AHSA1: variants seen among roughly 807,000 people sequenced by gnomAD.
AHSA1 encodes the protein activator of HSP90 ATPase activity 1.
Under a neutral mutation model 46.1 loss-of-function variants are expected in AHSA1, and 14 were observed. The observed-to-expected ratio is 0.30, with a 90% CI of 0.20 to 0.47. AHSA1 has a LOEUF of 0.47. Ranked by LOEUF, AHSA1 falls within the 20% of genes least tolerant of loss-of-function variation. The probability of loss-of-function intolerance (pLI) is 0.99; values close to 1 mark genes in which losing one functional copy is unlikely to be tolerated. For synonymous variants in AHSA1, 147 were observed against 145.8 expected, an observed-to-expected ratio of 1.01 and a Z score of -0.06; for missense variants, 333 against 415.9, an observed-to-expected ratio of 0.80 and a Z score of 1.73.
intron 1 of AHSA1, 130 bp downstream of exon 1, chr14:77,458,399 C>A: frequency 1.1e-6 from 1 of 911,784 alleles, no homozygotes; most frequent in Non-Finnish European, 1.6e-6. Flanking sequence ...GTGGGTCCTT[C>A]CTGTGGCAGG....
intron 5 of AHSA1, among the ~76,000 whole-genome samples, chr14:77,465,169 CTT>C (rs1227481287): frequency 2.0e-5 from 3 of 152,186 alleles, no homozygotes; most frequent in Non-Finnish European, 2.9e-5. Flanking sequence ...CCCTGTTGCT[CTT>C]TTGTCAGCAT....
chr14:77,467,272 G>A lies in AHSA1; in HGVS notation c.691-811G>A, dbSNP rs552172577. Among the ~76,000 whole-genome samples, 36 of 152,100 alleles carry A rather than the reference G, an allele frequency of 2.4e-4. 1 individual carries two copies. The South Asian group carries it at 3.5e-3, about 15-fold the overall frequency. ...AAATTAGCCAGGTATGGTGGTATGCGCCTGTAGTCCCAGCTCCTCAGGAGG... is the reference window on the plus strand; with the variant it reads ...AAATTAGCCAGGTATGGTGGTATGCACCTGTAGTCCCAGCTCCTCAGGAGG... On this transcript the variant is annotated intron_variant, in intron 6 of 8. Transcript: ENST00000216479.
At chr14:77,468,640 G>A (rs1236726648) in intron 8 of AHSA1, 132 bp downstream of exon 8, 1 of 828,066 alleles carries the variant, frequency 1.2e-6, no homozygotes, top group Admixed American at 2.5e-5. Context: ...ACAGCAAACT[G>A]CAGCCTTAAC....
Position 77,465,890 on chromosome 14 carries a change from A to G in AHSA1, c.690+223A>G, listed in dbSNP as rs576654733. Among the ~76,000 whole-genome samples, 3 of 151,958 alleles carry G rather than the reference A, an allele frequency of 2.0e-5. No homozygotes were observed. In the East Asian group the frequency reaches 5.8e-4, roughly 29 times the overall value. On this transcript the variant is annotated intron_variant, in intron 6 of 8. Coordinates refer to ENST00000216479, the MANE Select transcript of AHSA1 (RefSeq NM_012111.3). ...TGCCCAGGCTGGAGTGCAGTGGCAC[A>G]ATCTCAGCTCACTGCAACCTCTGCC...
intron 2 of AHSA1, among the ~76,000 whole-genome samples, chr14:77,460,659 G>A (rs559162188): frequency 1.3e-5 from 2 of 151,182 alleles, no homozygotes; most frequent in South Asian, 2.1e-4. Flanking sequence ...TCCACTTCCC[G>A]GGTTTAACCA....
chr14:77,468,040 A>G lies in AHSA1; in HGVS notation c.691-43A>G. 9.2e-6 allele frequency: 12 copies of G among 1,303,882 alleles called. No individual in the cohort carries two copies. In the South Asian group the frequency reaches 1.6e-4, roughly 17 times the overall value. 80.8% of individuals were successfully genotyped at this position (1,303,882 alleles called of 1,614,324 possible). ...CCTTGGGTCCCACTGAAAGCCATGT[A>G]TCTTCTGCCTCTTTTTTTTTTTTTT... On this transcript the variant is annotated intron_variant, in intron 6 of 8. Coordinates refer to ENST00000216479, the MANE Select transcript of AHSA1 (RefSeq NM_012111.3).
At chr14:77,464,196 G>T (rs2079038193) in intron 4 of AHSA1, among the ~76,000 whole-genome samples, 1 of 152,122 alleles carries the variant, frequency 6.6e-6, no homozygotes, top group Non-Finnish European at 1.5e-5. Context: ...GGCCAACATG[G>T]TGAAACCCCG....
At chr14:77,468,536 C>T (rs777904290) in intron 8 of AHSA1, 28 bp downstream of exon 8, 6 of 1,588,722 alleles carry the variant, frequency 3.8e-6, no homozygotes, top group Non-Finnish European at 4.3e-6. Context: ...TTGCCATTAC[C>T]CCCAGAACTT....
In AHSA1 at chr14:77,458,111, C is replaced by A. The variant is rs868473861; in HGVS notation, c.-79C>A. Reference sequence around the variant, plus strand: ...CGCTTCTAGTAGTTTCCAGGCGCTGCCGGGCGGCTGGCACTAAGCGGTCCT... The same window carrying A: ...CGCTTCTAGTAGTTTCCAGGCGCTGACGGGCGGCTGGCACTAAGCGGTCCT... On this transcript the variant is annotated 5_prime_UTR_variant, in exon 1 of 9. Coordinates refer to ENST00000216479, the MANE Select transcript of AHSA1 (RefSeq NM_012111.3). 3.1e-6 allele frequency: 4 copies of A among 1,309,882 alleles called. No homozygotes were observed. Among genetic ancestry groups the A allele is most frequent in the Middle Eastern group, 5.5e-4 (2 of 3,624 alleles). 81.1% of individuals were successfully genotyped at this position (1,309,882 alleles called of 1,614,324 possible).
intron 1 of AHSA1, among the ~76,000 whole-genome samples, chr14:77,459,314 T>C (rs1278660670): frequency 6.6e-6 from 1 of 152,174 alleles, no homozygotes; most frequent in African/African-American, 2.4e-5. Context: ...TTCCACTTGG[T>C]CAAATGGGGG....
In AHSA1 at chr14:77,468,128, A is replaced by G. The variant is rs2079056230; in HGVS notation, c.736A>G (p.Arg246Gly). 1 of 1,561,968 alleles carries G rather than the reference A, an allele frequency of 6.4e-7. No individual in the cohort carries two copies. Among genetic ancestry groups the G allele is most frequent in the Admixed American group, 1.9e-5 (1 of 51,910 alleles). The change falls in exon 7 of 9, where the codon AGA (arginine) becomes GGA (glycine). Residue 246 changes from arginine to glycine, a missense_variant. Physicochemically the swap from Arg to Gly is moderately radical, Grantham distance 125. Coordinates refer to ENST00000216479, the MANE Select transcript of AHSA1 (RefSeq NM_012111.3). ...TGCTCCTGCAACATTAGAAGCAGACAGAGGTGGAAAGTTCCACATGGTAGA... is the reference window on the plus strand; with the variant it reads ...TGCTCCTGCAACATTAGAAGCAGACGGAGGTGGAAAGTTCCACATGGTAGA... The part of the protein sequence containing the change: ...THAPATLEAD[R>G]GGKFHMVDGN...
chr14:77,467,465 G>A (rs2079052311), intron 6 of AHSA1, among the ~76,000 whole-genome samples: 1 of 151,848 alleles, frequency 6.6e-6, no homozygotes, highest in South Asian at 2.1e-4. Flanking sequence ...AGGCCAAGGT[G>A]GGTGGATCAC....
Position 77,469,356 on chromosome 14 carries a change from C to G in AHSA1, c.*107C>G, listed in dbSNP as rs989454867. 30 of 1,423,640 alleles carry G rather than the reference C, an allele frequency of 2.1e-5. No homozygotes were observed. Among genetic ancestry groups the G allele is most frequent in the Non-Finnish European group, 2.8e-5 (30 of 1,054,724 alleles). 88.2% of individuals were successfully genotyped at this position (1,423,640 alleles called of 1,614,324 possible). A position where few individuals can be genotyped will look rare whatever the true frequency, so the allele number is the denominator to read the frequency against. ...ATCGTCCCAGCTGCTAACTTGGGGC[C>G]GGGGCCCCTCCCTTCCACATATACC... On this transcript the variant is annotated 3_prime_UTR_variant, in exon 9 of 9. Coordinates refer to ENST00000216479, the MANE Select transcript of AHSA1 (RefSeq NM_012111.3).
chr14:77,460,814 AT>A (rs2079019158), intron 2 of AHSA1, among the ~76,000 whole-genome samples: 1 of 151,080 alleles, frequency 6.6e-6, no homozygotes, highest in Non-Finnish European at 1.5e-5. Context: ...TTTTTTTAAT[AT>A]AGGGACTAAA....
upstream of AHSA1, chr14:77,458,011 G>C (rs2078992157): frequency 1.8e-6 from 1 of 546,978 alleles, no homozygotes; most frequent in Non-Finnish European, 3.2e-6. Flanking sequence ...GAAGTAACCG[G>C]TGGGAGTGGG....
rs1227186458 is a variant in AHSA1 at position 77,463,767 on chromosome 14, C to T, written c.473-831C>T. Among the ~76,000 whole-genome samples, 3 of 152,198 alleles carry T rather than the reference C, an allele frequency of 2.0e-5. No homozygotes were observed. The East Asian group carries it at 5.8e-4, about 29-fold the overall frequency. On this transcript the variant is annotated intron_variant, in intron 4 of 8. Coordinates refer to ENST00000216479, the MANE Select transcript of AHSA1 (RefSeq NM_012111.3). ...GAATAGAAGTCAGCTCAGCTTTCCC[C>T]TGGGATTCCATTTCTGCCAGTGTAT...
rs1428567638 is a variant in AHSA1, at chr14:77,469,220, A to T, written c.988A>T (p.Thr330Ser). ...GTACTACTTTGAGGGCATTAAACAGACCTTTGGCTATGGCGCACGCTTATT... is the reference window on the plus strand; with the variant it reads ...GTACTACTTTGAGGGCATTAAACAGTCCTTTGGCTATGGCGCACGCTTATT... ...QRYYFEGIKQ[T>S]FGYGARLF The change falls in exon 9 of 9, where the codon ACC becomes TCC. Residue 330 changes from threonine to serine, a missense_variant. Transcript: ENST00000216479. 6.2e-7 allele frequency: 1 copy of T among 1,613,686 alleles called. No individual in the cohort carries two copies. Among genetic ancestry groups the T allele is most frequent in the African/African-American group, 1.3e-5 (1 of 74,890 alleles).
intron 1 of AHSA1, among the ~76,000 whole-genome samples, chr14:77,458,770 C>G (rs2079002686): frequency 6.6e-6 from 1 of 152,186 alleles, no homozygotes; most frequent in South Asian, 2.1e-4. Context: ...CAGATAGCTG[C>G]GGCCTCTCAC....
chr14:77,462,381 C>T (rs2079029419), intron 3 of AHSA1, 139 bp downstream of exon 3: 2 of 853,912 alleles, frequency 2.3e-6, no homozygotes, highest in Admixed American at 5.3e-5. Context: ...ATTTTCTAGG[C>T]ATATGGTGCC....
Sources: gnomAD v4.1 joint callset for allele counts (sites outside exome capture counted in the v4.1 genomes callset) on GRCh38, gnomAD v4.1.1 for gene constraint, MANE v1.5 for transcripts, NCBI Gene and HGNC (gene_info 2026-07-23, HGNC 2026-07-21) for gene names.